PLB1: variants seen among roughly 807,000 people sequenced by gnomAD.
The protein encoded by PLB1 is phospholipase B1, membrane-associated.
Under a neutral mutation model 227.4 loss-of-function variants are expected in PLB1, and 242 were observed. That is an observed-to-expected ratio of 1.06 (90% CI 0.96 to 1.18). The LOEUF is 1.18. PLB1 is among the 50% of genes most tolerant of loss of function. The pLI is 0.00. For missense variants in PLB1, 1,858 were observed against 1,816.3 expected (o/e 1.02, Z -0.42); for synonymous variants, 757 against 682.2 (o/e 1.11, Z -1.71).
At chr2:28,606,634 C>T (rs1684723291) in intron 43 of PLB1, 67 bp downstream of exon 43, 11 of 1,412,692 alleles carry the variant, frequency 7.8e-6, no homozygotes, top group South Asian at 4.6e-5. Context: ...CTACCCACTT[C>T]GTCCTCCACC....
chr2:28,581,207 T>C (rs1403226127), intron 23 of PLB1, among the ~76,000 whole-genome samples: 1 of 151,866 alleles, frequency 6.6e-6, no homozygotes, highest in Non-Finnish European at 1.5e-5. Flanking sequence ...TGTTTAGGCT[T>C]GGTGTGGCCG....
At chr2:28,595,991 T>G (rs1346888584) in intron 33 of PLB1, 2 of 152,196 alleles carry the variant, frequency 1.3e-5, no homozygotes, top group Admixed American at 1.3e-4. Flanking sequence ...AGCATTGCCT[T>G]TTCTTCCATT....
At chr2:28,564,115 G>T (rs950899722) in intron 18 of PLB1, among the ~76,000 whole-genome samples, 1 of 152,182 alleles carries the variant, frequency 6.6e-6, no homozygotes, top group Non-Finnish European at 1.5e-5. Context: ...GGTGACACAT[G>T]CCTATAGTCC....
intron 6 of PLB1, among the ~76,000 whole-genome samples, chr2:28,527,516 G>T (rs1670434027): frequency 6.6e-6 from 1 of 152,218 alleles, no homozygotes; most frequent in African/African-American, 2.4e-5. Flanking sequence ...ATCAATCTCA[G>T]AACTTTAGAG....
intron 1 of PLB1, among the ~76,000 whole-genome samples, chr2:28,503,952 C>T (rs1330644837): frequency 6.6e-6 from 1 of 152,226 alleles, no homozygotes; most frequent in Non-Finnish European, 1.5e-5. Flanking sequence ...CTGTGGCCAT[C>T]TTTGGAAAAA....
intron 20 of PLB1, among the ~76,000 whole-genome samples, chr2:28,570,026 T>A (rs1185312946): frequency 6.6e-6 from 1 of 151,064 alleles, no homozygotes; most frequent in Admixed American, 6.6e-5. Flanking sequence ...GCAAAGAGAT[T>A]GAATTAATAA....
intron 10 of PLB1, among the ~76,000 whole-genome samples, 166 bp from the exon 11 acceptor site, chr2:28,538,933 A>G (rs1022052900): frequency 6.6e-6 from 1 of 152,144 alleles, no homozygotes; most frequent in Non-Finnish European, 1.5e-5. Flanking sequence ...CTGGCAGCGC[A>G]GACTGACCCT....
At position 28,496,261 on chromosome 2, in the gene PLB1, T is replaced by G. The variant is rs1461700199; in HGVS notation, c.55+92T>G. 6.2e-6 allele frequency: 8 copies of G among 1,298,132 alleles called. No individual in the cohort carries two copies. In the African/African-American group the frequency reaches 1.0e-4, roughly 17 times the overall value. The allele number at this position is 1,298,132 out of a possible 1,614,324, so 80.4% of individuals were successfully genotyped here. On this transcript the variant is annotated intron_variant, in intron 1 of 57. Transcript: ENST00000327757. ...GCAATGGGTGTGTGAGAGGAGTGTG[T>G]GCTTTTGAAGAGATAAAGCACAAAG...
intron 11 of PLB1, among the ~76,000 whole-genome samples, 198 bp downstream of exon 11, chr2:28,539,376 T>G (rs1333173094): frequency 1.3e-5 from 2 of 152,128 alleles, no homozygotes; most frequent in Non-Finnish European, 2.9e-5. Context: ...AAGCATTGTT[T>G]TGGGGACTGA....
rs1054655746 is a variant in PLB1, at chr2:28,633,080, T to G, written c.4098+41T>G. 3 of 1,522,370 alleles carry G rather than the reference T, an allele frequency of 2.0e-6. No individual in the cohort carries two copies. In the Admixed American group the frequency reaches 5.0e-5, roughly 26 times the overall value. 94.3% of individuals were successfully genotyped at this position (1,522,370 alleles called of 1,614,324 possible). On this transcript the variant is annotated intron_variant, in intron 56 of 57. Transcript: ENST00000327757. ...CCTGGTGGGCCTTGTCAAGGGGGGA[T>G]CTAAGGATATTGACACTCTGTCTCA...
At chr2:28,541,888 T>C (rs1462741253) in intron 13 of PLB1, 77 bp downstream of exon 13, 1 of 1,202,066 alleles carries the variant, frequency 8.3e-7, no homozygotes, top group East Asian at 2.4e-5. Flanking sequence ...ATCCCAGCAC[T>C]TTGGGAGGCC....
intron 11 of PLB1, among the ~76,000 whole-genome samples, chr2:28,539,701 G>A (rs1371793672): frequency 6.6e-6 from 1 of 152,062 alleles, no homozygotes; most frequent in African/African-American, 2.4e-5. Flanking sequence ...AGAGAGTGCT[G>A]GAAAGGAGAG....
chr2:28,532,220 G>C (rs1671109299), intron 9 of PLB1, 26 bp downstream of exon 9: 1 of 1,570,998 alleles, frequency 6.4e-7, no homozygotes, highest in East Asian at 2.3e-5. Context: ...GGGGACCAAG[G>C]GATTACAGAT....
At chr2:28,598,853 A>G in intron 35 of PLB1, 93 bp downstream of exon 35, 1 of 1,098,346 alleles carries the variant, frequency 9.1e-7, no homozygotes, top group Admixed American at 1.7e-5. Context: ...CTATGTGCAA[A>G]GGGGCACTTA....
At chr2:28,571,808 C>T (rs1573054403) in intron 20 of PLB1, among the ~76,000 whole-genome samples, 1 of 151,842 alleles carries the variant, frequency 6.6e-6, no homozygotes, top group Non-Finnish European at 1.5e-5. Context: ...GAATCATAGA[C>T]CTAAATGTAA....
chr2:28,545,984 C>T (rs1473349304), intron 14 of PLB1, among the ~76,000 whole-genome samples: 1 of 152,146 alleles, frequency 6.6e-6, no homozygotes, highest in Non-Finnish European at 1.5e-5. Context: ...ATACCCAGAC[C>T]ACGTCAGCAT....
chr2:28,550,365 G>A (rs1239592434), intron 16 of PLB1, among the ~76,000 whole-genome samples: 10 of 151,332 alleles, frequency 6.6e-5, no homozygotes, highest in African/African-American at 1.5e-4. Flanking sequence ...TAGTGGAGAC[G>A]GGGTTTCACC....
At chr2:28,629,270 C>A in intron 53 of PLB1, 85 bp downstream of exon 53, 1 of 1,227,126 alleles carries the variant, frequency 8.1e-7, no homozygotes, top group Non-Finnish European at 1.1e-6. Context: ...CCAGTTGAGG[C>A]AGAGCCAGGC....
chr2:28,632,017 CT>C lies in PLB1; in HGVS notation c.3898-17del. ...CAGCCTTGCCAGGAGGGTTGAGCAG[CT>C]TCTCTCTCTGTCCCCAGCATGGCAT... On this transcript the variant is annotated intron_variant, in intron 54 of 57. Transcript: ENST00000327757. The C allele has an allele frequency of 2.5e-6, 4 of 1,602,556 alleles. No individual in the cohort carries two copies. Among genetic ancestry groups the C allele is most frequent in the Non-Finnish European group, 3.4e-6 (4 of 1,169,704 alleles).
Sources: allele counts gnomAD v4.1 joint callset (sites outside exome capture counted in the v4.1 genomes callset), GRCh38; gene constraint gnomAD v4.1.1; transcripts MANE v1.5; gene names NCBI Gene and HGNC (gene_info 2026-07-23, HGNC 2026-07-21).